ERC1: variants seen among roughly 807,000 people sequenced by gnomAD.
The protein encoded by ERC1 is ELKS/RAB6-interacting/CAST family member 1.
A neutral mutation model predicts 132.0 loss-of-function variants in ERC1; 56 were observed. The ratio of observed to expected loss-of-function variants is 0.42; its 90% CI spans 0.34 to 0.53. The LOEUF (loss-of-function observed/expected upper bound fraction) is 0.53, where lower values mean the gene tolerates loss of function less well. Among genes scored for constraint, ERC1 ranks in the 20% least tolerant of loss-of-function variants. The pLI is 0.03. For missense variants in ERC1, 1,202 were observed against 1,349.9 expected, an observed-to-expected ratio of 0.89 and a Z score of 1.72; for synonymous variants, 478 against 476.1, an observed-to-expected ratio of 1.00 and a Z score of -0.05.
At chr12:1,328,933 G>A (rs1307411783) in intron 15 of ERC1, among the ~76,000 whole-genome samples, 1 of 124,246 alleles carries the variant, frequency 8.0e-6, no homozygotes, top group East Asian at 2.8e-4. Context: ...TTCATTCTTG[G>A]AACTTTTTAG....
intron 3 of ERC1, among the ~76,000 whole-genome samples, chr12:1,096,232 CTT>C (rs1055724750): frequency 5.9e-5 from 9 of 152,186 alleles, no homozygotes; most frequent in African/African-American, 2.2e-4. Flanking sequence ...CCAGTCAGGA[CTT>C]TTTATTCAAA....
At chr12:1,053,957 A>G (rs1276773105) in intron 2 of ERC1, among the ~76,000 whole-genome samples, 1 of 152,152 alleles carries the variant, frequency 6.6e-6, no homozygotes, top group Admixed American at 6.6e-5. Context: ...GCTAGCCTTG[A>G]CCTTTTGGGT....
chr12:1,062,750 C>G (rs572035180), intron 2 of ERC1, among the ~76,000 whole-genome samples: 19 of 152,204 alleles, frequency 1.2e-4, no homozygotes, highest in African/African-American at 3.9e-4. Context: ...CACTGAAGAC[C>G]AGTGTTTCTT....
intron 16 of ERC1, among the ~76,000 whole-genome samples, chr12:1,407,336 G>C (rs1228267654): frequency 2.6e-5 from 4 of 151,994 alleles, no homozygotes; most frequent in Non-Finnish European, 4.4e-5. Context: ...ACTGAACTCT[G>C]TAGTAAATTG....
intron 9 of ERC1, 107 bp downstream of exon 9, chr12:1,180,784 T>C: frequency 7.4e-7 from 1 of 1,342,514 alleles, no homozygotes; most frequent in Admixed American, 2.0e-5. Context: ...GGAAAAGAGC[T>C]GCTGTGTGCT....
chr12:1,216,580 A>G (rs541926394), intron 12 of ERC1, among the ~76,000 whole-genome samples: 15 of 102,070 alleles, frequency 1.5e-4, no homozygotes, highest in South Asian at 7.2e-4. Flanking sequence ...AACTTTCATC[A>G]TTGACATAGC....
At chr12:993,051 C>T (rs1293757319) in intron 1 of ERC1, among the ~76,000 whole-genome samples, 1 of 152,158 alleles carries the variant, frequency 6.6e-6, no homozygotes, top group Non-Finnish European at 1.5e-5. Flanking sequence ...AGATTATTGT[C>T]TTCCAGCAAA....
intron 2 of ERC1, among the ~76,000 whole-genome samples, chr12:1,068,606 T>C (rs1035815924): frequency 2.0e-5 from 3 of 152,240 alleles, no homozygotes; most frequent in African/African-American, 7.2e-5. Flanking sequence ...AAATGAAAAT[T>C]AATTGCATTT....
intron 2 of ERC1, among the ~76,000 whole-genome samples, chr12:1,040,051 TCTA>T (rs1367315275): frequency 6.6e-6 from 1 of 152,234 alleles, no homozygotes; most frequent in Non-Finnish European, 1.5e-5. Flanking sequence ...TTTACAAACT[TCTA>T]CTATTAGATG....
intron 2 of ERC1, among the ~76,000 whole-genome samples, chr12:1,060,883 G>A (rs1420469975): frequency 2.1e-5 from 3 of 145,240 alleles, no homozygotes; most frequent in Admixed American, 6.9e-5. Context: ...CCACCACCAC[G>A]CCTGGCTAAT....
intron 12 of ERC1, among the ~76,000 whole-genome samples, chr12:1,213,946 AAGGAAATG>A (rs1168143271): frequency 6.6e-6 from 1 of 152,156 alleles, no homozygotes; most frequent in Admixed American, 6.5e-5. Context: ...GTTTTTAAAA[AAGGAAATG>A]AATCCATATG....
intron 2 of ERC1, among the ~76,000 whole-genome samples, chr12:1,033,034 G>C (rs1277666519): frequency 6.6e-6 from 1 of 150,672 alleles, no homozygotes; most frequent in Non-Finnish European, 1.5e-5. Flanking sequence ...CACCATGCCT[G>C]GCTAATTTTT....
intron 16 of ERC1, among the ~76,000 whole-genome samples, chr12:1,388,050 A>G (rs539590186): frequency 6.6e-6 from 1 of 152,270 alleles, no homozygotes; most frequent in East Asian, 1.9e-4. Context: ...GAGAAAGGAG[A>G]ATACTAAGAG....
intron 2 of ERC1, among the ~76,000 whole-genome samples, chr12:1,053,160 A>G (rs1457738951): frequency 6.6e-6 from 1 of 152,228 alleles, no homozygotes; most frequent in Non-Finnish European, 1.5e-5. Flanking sequence ...TTTCAATTCT[A>G]AAACGCTTGT....
chr12:1,372,715 G>A (rs968384457), intron 16 of ERC1, among the ~76,000 whole-genome samples: 25 of 152,316 alleles, frequency 1.6e-4, no homozygotes, highest in African/African-American at 5.5e-4. Flanking sequence ...CGCAGCATCC[G>A]CGTCCCAGCC....
intron 18 of ERC1, among the ~76,000 whole-genome samples, chr12:1,460,538 T>A (rs1419310799): frequency 6.6e-6 from 1 of 152,166 alleles, no homozygotes; most frequent in African/African-American, 2.4e-5. Flanking sequence ...TGTTTAATTG[T>A]AAACATTACA....
intron 13 of ERC1, among the ~76,000 whole-genome samples, chr12:1,237,910 A>G (rs924195455): frequency 6.6e-6 from 1 of 152,258 alleles, no homozygotes; most frequent in Non-Finnish European, 1.5e-5. Context: ...TACTGGAGAG[A>G]TTTGGAGGGT....
chr12:1,342,211 T>G (rs908934125), intron 15 of ERC1, among the ~76,000 whole-genome samples: 3 of 152,010 alleles, frequency 2.0e-5, no homozygotes, highest in Admixed American at 6.5e-5. Flanking sequence ...ACGCCTGTAA[T>G]CCCAGCACTT....
chr12:1,211,942 A>T (rs562597650), intron 12 of ERC1, among the ~76,000 whole-genome samples: 1 of 152,122 alleles, frequency 6.6e-6, no homozygotes, highest in East Asian at 1.9e-4. Flanking sequence ...AAGGAGGTCA[A>T]TTAAATATAA....
Sources: gnomAD v4.1 joint callset for allele counts (sites outside exome capture counted in the v4.1 genomes callset) on GRCh38, gnomAD v4.1.1 for gene constraint, MANE v1.5 for transcripts, NCBI Gene and HGNC (gene_info 2026-07-23, HGNC 2026-07-21) for gene names.